SLC4A5: variants seen among roughly 807,000 people sequenced by gnomAD.
The protein encoded by SLC4A5 is electrogenic sodium bicarbonate cotransporter 4.
In SLC4A5, 96 loss-of-function variants were observed where a neutral mutation model predicts 120.4. The observed-to-expected ratio is 0.80, with a 90% confidence interval of 0.68 to 0.94. The LOEUF (loss-of-function observed/expected upper bound fraction) is 0.94. Among genes scored for constraint, SLC4A5 ranks in the 40% least tolerant of loss-of-function variants. The pLI is 0.00. For missense variants in SLC4A5, 1,259 were observed against 1,459.5 expected, an observed-to-expected ratio of 0.86 and a Z score of 2.24; for synonymous variants, 550 against 571.1, an observed-to-expected ratio of 0.96 and a Z score of 0.53.
chr2:74,227,688 C>CT, intron 26 of SLC4A5, 122 bp downstream of exon 26: 1 of 1,183,356 alleles, frequency 8.5e-7, no homozygotes, highest in Admixed American at 2.4e-5. Context: ...TACTATTATT[C>CT]TTTCATTGAA....
intron 8 of SLC4A5, among the ~76,000 whole-genome samples, chr2:74,266,147 G>A (rs1671295073): frequency 6.6e-6 from 1 of 152,220 alleles, no homozygotes; most frequent in African/African-American, 2.4e-5. Flanking sequence ...GATGGGGCAT[G>A]CCTTAGCACA....
chr2:74,235,572 G>A (rs1468955105), intron 21 of SLC4A5, among the ~76,000 whole-genome samples: 1 of 152,208 alleles, frequency 6.6e-6, no homozygotes, highest in African/African-American at 2.4e-5. Context: ...TGGTATGACA[G>A]TCTGAACTGG....
chr2:74,242,462 ATTTG>A (rs1259948771), intron 19 of SLC4A5, among the ~76,000 whole-genome samples: 6 of 152,118 alleles, frequency 3.9e-5, no homozygotes, highest in Admixed American at 2.0e-4. Context: ...ACATATATTC[ATTTG>A]TTTAATTCCC....
chr2:74,274,036 A>G (rs1457392328), intron 8 of SLC4A5, among the ~76,000 whole-genome samples: 1 of 152,244 alleles, frequency 6.6e-6, no homozygotes, highest in Non-Finnish European at 1.5e-5. Context: ...GTGGTTGTGC[A>G]TGCCTGTAAT....
Position 74,329,965 on chromosome 2 carries a change from T to C in SLC4A5, c.-69-1779A>G, listed in dbSNP as rs148621764. ...GAGATGGAGATGGTGAGGTAGTGTATGGTGGTGTGAAGTATAGATGGAGGT... is the reference window on the plus strand; with the variant it reads ...GAGATGGAGATGGTGAGGTAGTGTACGGTGGTGTGAAGTATAGATGGAGGT... On this transcript the variant is annotated intron_variant, in intron 4 of 30. Coordinates refer to ENST00000394019, the Ensembl canonical transcript of SLC4A5. 3.0e-3 allele frequency among the ~76,000 whole-genome samples: 445 copies of C among 150,514 alleles called. 3 individuals are homozygous for C. Among genetic ancestry groups the C allele is most frequent in the African/African-American group, 0.011 (437 of 40,852 alleles).
At chr2:74,256,546 G>A (rs1186166526) in intron 12 of SLC4A5, among the ~76,000 whole-genome samples, 1 of 152,162 alleles carries the variant, frequency 6.6e-6, no homozygotes, top group Non-Finnish European at 1.5e-5. Flanking sequence ...AGACTATCAA[G>A]GTGGCCTCTC....
At chr2:74,292,489 A>G (rs1258223223) in intron 7 of SLC4A5, among the ~76,000 whole-genome samples, 2 of 152,168 alleles carry the variant, frequency 1.3e-5, no homozygotes, top group Admixed American at 6.5e-5. Flanking sequence ...TCAGAAGTTA[A>G]TCCACATAAT....
intron 30 of SLC4A5, among the ~76,000 whole-genome samples, chr2:74,220,477 A>G (rs1694589279): frequency 1.3e-5 from 2 of 152,070 alleles, no homozygotes; most frequent in South Asian, 4.1e-4. Flanking sequence ...CCTGGCTTTC[A>G]GTGATATTAC....
At chr2:74,323,604 T>G (rs966585195) in intron 5 of SLC4A5, among the ~76,000 whole-genome samples, 3 of 152,118 alleles carry the variant, frequency 2.0e-5, no homozygotes, top group African/African-American at 7.2e-5. Context: ...TGTAAAAGAT[T>G]TGATACACTC....
intron 4 of SLC4A5, among the ~76,000 whole-genome samples, chr2:74,328,659 T>C (rs929768758): frequency 1.3e-5 from 2 of 152,130 alleles, no homozygotes; most frequent in Non-Finnish European, 2.9e-5. Context: ...TACAGATACG[T>C]GGGCCTGTTG....
At chr2:74,331,632 T>C (rs1371259618) in intron 4 of SLC4A5, among the ~76,000 whole-genome samples, 1 of 151,964 alleles carries the variant, frequency 6.6e-6, no homozygotes, top group Non-Finnish European at 1.5e-5. Context: ...AAATCACCTC[T>C]CTGGGCCTCA....
At chr2:74,252,915 T>C in intron 15 of SLC4A5, 59 bp downstream of exon 15, 3 of 1,578,946 alleles carry the variant, frequency 1.9e-6, no homozygotes, top group Non-Finnish European at 2.6e-6. Context: ...AGAAATAAAA[T>C]GATACCGACA....
chr2:74,281,892 C>T (rs1003487938), intron 8 of SLC4A5, among the ~76,000 whole-genome samples: 5 of 152,192 alleles, frequency 3.3e-5, no homozygotes, highest in Admixed American at 6.5e-5. Context: ...GGACCATAAC[C>T]GTCTTGGAGC....
intron 8 of SLC4A5, among the ~76,000 whole-genome samples, chr2:74,277,669 C>T (rs965633697): frequency 6.6e-6 from 1 of 152,124 alleles, no homozygotes; most frequent in African/African-American, 2.4e-5. Context: ...GAGATATAAC[C>T]ACCAAAATCA....
At chr2:74,254,441 T>G (rs764515788) in intron 14 of SLC4A5, among the ~76,000 whole-genome samples, 178 bp downstream of exon 14, 1 of 152,226 alleles carries the variant, frequency 6.6e-6, no homozygotes, top group Non-Finnish European at 1.5e-5. Flanking sequence ...CACACTTGAT[T>G]GGTTCTCCTA....
intron 26 of SLC4A5, chr2:74,227,603 C>A: frequency 6.6e-7 from 1 of 1,505,112 alleles, no homozygotes; most frequent in South Asian, 1.2e-5. Context: ...TACATAGATT[C>A]AATTATATGA....
chr2:74,217,416 G>GTT, exon 31 of SLC4A5: 1 of 152,284 alleles, frequency 6.6e-6, no homozygotes, highest in South Asian at 2.1e-4. Flanking sequence ...TTCCCAAATA[G>GTT]TTTTCAATCA....
intron 4 of SLC4A5, among the ~76,000 whole-genome samples, chr2:74,332,724 T>C (rs200949355): frequency 1.2e-4 from 18 of 151,404 alleles, no homozygotes; most frequent in Admixed American, 4.0e-4. Flanking sequence ...TGTGTGTGTG[T>C]GCGTGTGTGT....
intron 25 of SLC4A5, among the ~76,000 whole-genome samples, chr2:74,230,981 A>G (rs1379169601): frequency 6.6e-6 from 1 of 151,880 alleles, no homozygotes; most frequent in East Asian, 1.9e-4. Context: ...TAAGTTTTGT[A>G]TTTTTAGTAG....
Sources: allele counts gnomAD v4.1 joint callset (sites outside exome capture counted in the v4.1 genomes callset), GRCh38; gene constraint gnomAD v4.1.1; transcripts MANE v1.5; gene names NCBI Gene and HGNC (gene_info 2026-07-23, HGNC 2026-07-21).